Variants in EFHD1 observed in about 807,000 individuals in gnomAD.
EFHD1 encodes EF-hand domain family member D1.
A neutral mutation model predicts 17.2 loss-of-function variants in EFHD1; 10 were observed. The observed-to-expected ratio is 0.58, with a 90% CI of 0.36 to 0.99. The LOEUF (loss-of-function observed/expected upper bound fraction) is 0.99. EFHD1 is among the 50% of genes least tolerant of loss of function. The pLI is 0.01. For synonymous variants in EFHD1, 153 were observed against 142.0 expected, an observed-to-expected ratio of 1.08 and a Z score of -0.55; for missense variants, 310 against 327.5, an observed-to-expected ratio of 0.95 and a Z score of 0.41.
intron 1 of EFHD1, among the ~76,000 whole-genome samples, chr2:232,642,414 A>G (rs1426645647): frequency 1.3e-5 from 2 of 151,570 alleles, no homozygotes; most frequent in Non-Finnish European, 2.9e-5. Flanking sequence ...TGAGAAACAA[A>G]AGCTAATTAG....
intron 1 of EFHD1, among the ~76,000 whole-genome samples, chr2:232,639,750 A>G (rs1347094831): frequency 1.3e-5 from 2 of 152,110 alleles, no homozygotes; most frequent in Non-Finnish European, 2.9e-5. Context: ...GCTGTCTACA[A>G]TTGATATTCA....
At chr2:232,667,528 A>AT (rs1694989433) in intron 2 of EFHD1, among the ~76,000 whole-genome samples, 1 of 150,440 alleles carries the variant, frequency 6.6e-6, no homozygotes, top group South Asian at 2.1e-4. Flanking sequence ...ATTTTATTTT[A>AT]ATTAATTAAT....
chr2:232,662,754 C>CT, intron 1 of EFHD1, 48 bp from the exon 2 acceptor site: 1 of 1,550,644 alleles, frequency 6.4e-7, no homozygotes, highest in Non-Finnish European at 8.6e-7. Flanking sequence ...GTTTCGGAGA[C>CT]TAACGAGTGT....
chr2:232,630,681 C>A (rs1694185157), upstream of EFHD1, among the ~76,000 whole-genome samples: 1 of 151,764 alleles, frequency 6.6e-6, no homozygotes, highest in African/African-American at 2.4e-5. Context: ...CACCGTGGCT[C>A]ACCCCTGTAA....
intron 1 of EFHD1, among the ~76,000 whole-genome samples, chr2:232,612,978 C>T (rs899606522): frequency 6.6e-5 from 10 of 151,910 alleles, no homozygotes; most frequent in Admixed American, 2.0e-4. Flanking sequence ...GGTGATCCAC[C>T]CGCTTTAGCC....
chr2:232,677,265 A>G (rs1373999399), intron 3 of EFHD1, among the ~76,000 whole-genome samples: 1 of 28,328 alleles, frequency 3.5e-5, no homozygotes, highest in Admixed American at 6.3e-4. Context: ...TCTTTCTATA[A>G]CACACACATA....
chr2:232,625,339 A>G (rs1260871811), intron 1 of EFHD1, among the ~76,000 whole-genome samples: 1 of 149,358 alleles, frequency 6.7e-6, no homozygotes. Context: ...GGATCTCGCT[A>G]TGTTGCCCAG....
At chr2:232,653,997 A>G (rs558722427) in intron 1 of EFHD1, among the ~76,000 whole-genome samples, 4 of 152,242 alleles carry the variant, frequency 2.6e-5, no homozygotes, top group Non-Finnish European at 5.9e-5. Flanking sequence ...ACCTGAGGTC[A>G]GGAGTTCGAG....
chr2:232,666,299 C>T (rs749619217), intron 2 of EFHD1, among the ~76,000 whole-genome samples: 1 of 152,232 alleles, frequency 6.6e-6, no homozygotes, highest in Non-Finnish European at 1.5e-5. Flanking sequence ...TGCCACTTGG[C>T]CTGCCCTATC....
intron 1 of EFHD1, among the ~76,000 whole-genome samples, chr2:232,613,937 TATACACACATAAATATACACACAC>T (rs1559335891): frequency 6.7e-6 from 1 of 149,924 alleles, no homozygotes; most frequent in Non-Finnish European, 1.5e-5. Context: ...CACATACCCA[TATACACACATAAATATACACACAC>T]ATACACACGT....
At chr2:232,606,889 CA>C (rs1245034636) in intron 1 of EFHD1, among the ~76,000 whole-genome samples, 8 of 144,436 alleles carry the variant, frequency 5.5e-5, no homozygotes, top group Non-Finnish European at 1.1e-4. Flanking sequence ...GACTCCGTCT[CA>C]AAAAAATAAA....
Position 232,613,100 on chromosome 2 carries a change from C to A in EFHD1, c.14+6927C>A, listed in dbSNP as rs116813707. Among the ~76,000 whole-genome samples, 935 of 152,038 alleles carry A rather than the reference C, an allele frequency of 6.1e-3. 5 individuals are homozygous for A. Among genetic ancestry groups the A allele is most frequent in the Non-Finnish European group, 0.011 (715 of 67,996 alleles). ...TATCCCATTCCTAGGTAATTAACCA[C>A]CCCCTGCCCCCCACCAAAAAATATA... On this transcript the variant is annotated intron_variant, in intron 1 of 3. Coordinates refer to the EFHD1 transcript ENST00000409613.
At position 232,609,921 on chromosome 2, in the gene EFHD1, C is replaced by T. The variant is rs186713504; in HGVS notation, c.14+3748C>T. Among the ~76,000 whole-genome samples, 25 of 152,284 alleles carry T rather than the reference C, an allele frequency of 1.6e-4. No homozygotes were observed. The East Asian group carries it at 4.4e-3, about 27-fold the overall frequency. On this transcript the variant is annotated intron_variant, in intron 1 of 3. Coordinates refer to the EFHD1 transcript ENST00000409613. ...GGAGAGAGTAACGTGGGAGAAGCAC[C>T]GTTTGCCTTTGATACTTACCAAGGT...
At chr2:232,680,636 G>A (rs967737807) in intron 3 of EFHD1, among the ~76,000 whole-genome samples, 7 of 152,004 alleles carry the variant, frequency 4.6e-5, no homozygotes, top group African/African-American at 1.7e-4. Context: ...CAGCCCCTGA[G>A]TAGCTGGAAT....
intron 1 of EFHD1, among the ~76,000 whole-genome samples, chr2:232,619,035 G>C (rs1483615364): frequency 6.6e-6 from 1 of 151,870 alleles, no homozygotes; most frequent in African/African-American, 2.4e-5. Context: ...TGTAATCCCA[G>C]CTACTCCGGA....
At chr2:232,614,063 T>TGCACACACATACATATACACACAG (rs796319781) in intron 1 of EFHD1, among the ~76,000 whole-genome samples, 1 of 151,310 alleles carries the variant, frequency 6.6e-6, no homozygotes, top group African/African-American at 2.4e-5. Flanking sequence ...TACATACACA[T>TGCACACACATACATATACACACAG]GCACACACAT....
At position 232,635,002 on chromosome 2, in the gene EFHD1, G is replaced by A. The variant is rs576054701; in HGVS notation, c.302+996G>A. Reference sequence around the variant, plus strand: ...TTAAAGGCGCTGTGACTGGCGCTGCGTCGCCTGAGCCTCCGCTGCCCCTGC... The same window carrying A: ...TTAAAGGCGCTGTGACTGGCGCTGCATCGCCTGAGCCTCCGCTGCCCCTGC... On this transcript the variant is annotated intron_variant, in intron 1 of 3. Transcript: ENST00000264059. Among the ~76,000 whole-genome samples, 13 of 151,888 alleles carry A rather than the reference G, an allele frequency of 8.6e-5. No individual in the cohort carries two copies. In the South Asian group the frequency reaches 2.7e-3, roughly 31 times the overall value.
intron 3 of EFHD1, among the ~76,000 whole-genome samples, chr2:232,675,793 G>T (rs1013759784): frequency 1.3e-5 from 2 of 152,110 alleles, no homozygotes; most frequent in African/African-American, 2.4e-5. Flanking sequence ...GAATTCTCTG[G>T]AAGTCTCAGT....
At chr2:232,658,508 C>T (rs1694802936) in intron 1 of EFHD1, among the ~76,000 whole-genome samples, 1 of 152,156 alleles carries the variant, frequency 6.6e-6, no homozygotes, top group African/African-American at 2.4e-5. Context: ...ACCCAGCATC[C>T]AATCTTGGGT....
Sources: gnomAD v4.1 joint callset for allele counts (sites outside exome capture counted in the v4.1 genomes callset) on GRCh38, gnomAD v4.1.1 for gene constraint, MANE v1.5 for transcripts, NCBI Gene and HGNC (gene_info 2026-07-23, HGNC 2026-07-21) for gene names.